The following QTMAN variants were observed in gnomAD, a reference collection of about 807,000 sequenced individuals.
The protein encoded by QTMAN is tRNA-queuosine alpha-mannosyltransferase.
chr2:144,326,446 G>A, the QTMAN span, among the ~76,000 whole-genome samples: 1 of 152,008 alleles, frequency 6.6e-6, no homozygotes, highest in South Asian at 2.1e-4. Context: ...AATAAGCCGG[G>A]CATGGTGGTG....
At chr2:144,104,945 T>C in the QTMAN span, among the ~76,000 whole-genome samples, 1 of 152,224 alleles carries the variant, frequency 6.6e-6, no homozygotes, top group African/African-American at 2.4e-5. Context: ...CCTTTGCTGT[T>C]CAGCAATATT....
At chr2:144,251,517 C>A in the QTMAN span, among the ~76,000 whole-genome samples, 2 of 152,174 alleles carry the variant, frequency 1.3e-5, no homozygotes, top group South Asian at 4.1e-4. Context: ...ATATACTTTA[C>A]AAAAATTAAC....
At chr2:144,098,254 T>A in the QTMAN span, among the ~76,000 whole-genome samples, 1 of 152,214 alleles carries the variant, frequency 6.6e-6, no homozygotes, top group East Asian at 1.9e-4. Context: ...AGTAATTACA[T>A]AAGCCACACC....
At chr2:144,332,190 C>T in the QTMAN span, among the ~76,000 whole-genome samples, 3 of 151,994 alleles carry the variant, frequency 2.0e-5, no homozygotes, top group Admixed American at 2.0e-4. Flanking sequence ...CGTGACGCCC[C>T]ATTCCGAGCG....
the QTMAN span, among the ~76,000 whole-genome samples, chr2:144,309,516 T>C: frequency 2.0e-5 from 3 of 152,214 alleles, no homozygotes; most frequent in African/African-American, 4.8e-5. Context: ...ATATAATGTA[T>C]AATTCTATTT....
the QTMAN span, among the ~76,000 whole-genome samples, chr2:144,036,090 A>C: frequency 6.6e-6 from 1 of 152,242 alleles, no homozygotes. Flanking sequence ...TATACAATAC[A>C]GAGGGAAATG....
chr2:144,156,009 A>G, the QTMAN span, among the ~76,000 whole-genome samples: 1 of 152,200 alleles, frequency 6.6e-6, no homozygotes, highest in Non-Finnish European at 1.5e-5. Context: ...AACTATCAAA[A>G]TAAAATATAT....
At chr2:144,029,850 C>G in the QTMAN span, among the ~76,000 whole-genome samples, 2 of 151,262 alleles carry the variant, frequency 1.3e-5, no homozygotes, top group African/African-American at 2.4e-5. Context: ...TGTGTTATTA[C>G]AATTATATTA....
the QTMAN span, among the ~76,000 whole-genome samples, chr2:144,232,525 T>C: frequency 2.0e-5 from 3 of 152,160 alleles, no homozygotes; most frequent in South Asian, 4.1e-4. Flanking sequence ...GTTACAAAAA[T>C]ACATGAGTTT....
chr2:144,329,863 A>G, the QTMAN span, among the ~76,000 whole-genome samples: 3 of 152,364 alleles, frequency 2.0e-5, no homozygotes, highest in East Asian at 3.9e-4. Context: ...CAACAAGATC[A>G]TAAGCATTTA....
chr2:144,074,824 A>G, the QTMAN span, among the ~76,000 whole-genome samples: 30 of 152,330 alleles, frequency 2.0e-4, no homozygotes, highest in African/African-American at 7.2e-4. Context: ...GTCAGAGGCT[A>G]CAGATGAGCA....
the QTMAN span, among the ~76,000 whole-genome samples, chr2:144,114,440 G>A: frequency 1.3e-5 from 2 of 152,116 alleles, no homozygotes; most frequent in Non-Finnish European, 2.9e-5. Context: ...GTGATATGGG[G>A]TGCTCCAAGT....
At chr2:144,064,105 A>T in the QTMAN span, among the ~76,000 whole-genome samples, 1 of 152,174 alleles carries the variant, frequency 6.6e-6, no homozygotes, top group Non-Finnish European at 1.5e-5. Flanking sequence ...TCATTGAAGC[A>T]TAAGAAGCAA....
the QTMAN span, among the ~76,000 whole-genome samples, chr2:143,954,710 C>T: frequency 2.0e-5 from 3 of 151,978 alleles, no homozygotes; most frequent in South Asian, 2.1e-4. Flanking sequence ...ATTAAATAGG[C>T]CATAGTATTT....
chr2:144,029,632 C>T, the QTMAN span, among the ~76,000 whole-genome samples: 1 of 151,900 alleles, frequency 6.6e-6, no homozygotes, highest in Admixed American at 6.6e-5. Context: ...GCTTGAGAAC[C>T]AGCTTTAAAA....
the QTMAN span, among the ~76,000 whole-genome samples, chr2:144,321,626 C>CA: frequency 6.6e-6 from 1 of 152,096 alleles, no homozygotes; most frequent in Non-Finnish European, 1.5e-5. Flanking sequence ...GATTAAGAGA[C>CA]AGAGTCTCAC....
At chr2:144,076,002 A>C in the QTMAN span, among the ~76,000 whole-genome samples, 1 of 152,216 alleles carries the variant, frequency 6.6e-6, no homozygotes, top group South Asian at 2.1e-4. Flanking sequence ...TAATCCCAGC[A>C]CTTTGGGAGG....
At chr2:144,013,370 T>C in the QTMAN span, among the ~76,000 whole-genome samples, 1 of 152,066 alleles carries the variant, frequency 6.6e-6, no homozygotes, top group Non-Finnish European at 1.5e-5. Flanking sequence ...GAAATACTAC[T>C]TGAGGCCCTA....
the QTMAN span, chr2:144,006,077 T>C: frequency 5.9e-5 from 9 of 152,130 alleles, no homozygotes; most frequent in Non-Finnish European, 1.2e-4. Context: ...TTAAATAATA[T>C]TGAACTCTGT....
Sources: gnomAD v4.1 joint callset for allele counts (sites outside exome capture counted in the v4.1 genomes callset) on GRCh38, gnomAD v4.1.1 for gene constraint, MANE v1.5 for transcripts, NCBI Gene and HGNC (gene_info 2026-07-23, HGNC 2026-07-21) for gene names.